EHBP1: variants seen among roughly 807,000 people sequenced by gnomAD.
EHBP1 encodes the protein EH domain-binding protein 1.
EHBP1 carries 55 observed loss-of-function variants against 144.0 expected under a neutral mutation model. The ratio of observed to expected loss-of-function variants is 0.38; its 90% confidence interval spans 0.31 to 0.48. EHBP1 has a LOEUF of 0.48. Among genes scored for constraint, EHBP1 ranks in the 20% least tolerant of loss-of-function variants. EHBP1 has a pLI of 0.98. For synonymous variants in EHBP1, 469 were observed against 472.7 expected (o/e 0.99, Z 0.10); for missense variants, 1,200 against 1,364.2 (o/e 0.88, Z 1.90).
intron 3 of EHBP1, among the ~76,000 whole-genome samples, chr2:62,754,969 ATGCTCGATGGGCTGCACCCACTGTCC>A (rs1239617322): frequency 2.6e-5 from 4 of 152,168 alleles, no homozygotes; most frequent in Admixed American, 1.3e-4. Flanking sequence ...GCTTCGGCTC[ATGCTCGATGGGCTGCACCCACTGTCC>A]TGCACCCACT....
chr2:62,720,315 C>G (rs2036102884), intron 2 of EHBP1, among the ~76,000 whole-genome samples: 1 of 152,202 alleles, frequency 6.6e-6, no homozygotes, highest in African/African-American at 2.4e-5. Context: ...CTCTGGTCTC[C>G]CCTTTGCCTA....
chr2:62,830,336 A>G lies in EHBP1; in HGVS notation c.495-683A>G, dbSNP rs536716568. On this transcript the variant is annotated intron_variant, in intron 6 of 22. Coordinates refer to ENST00000431489, the MANE Select transcript of EHBP1 (RefSeq NM_001142616.3). ...TTTTTAGTAGAGATGGGGTTTCACC[A>G]TGTTGGTTAGGCTGGTCTCGAACTC... Among the ~76,000 whole-genome samples, 4 of 152,072 alleles carry G rather than the reference A, an allele frequency of 2.6e-5. No individual in the cohort carries two copies. In the East Asian group the frequency reaches 7.7e-4, roughly 29 times the overall value.
rs564883221 is a variant in EHBP1 at position 62,933,920 on chromosome 2, C to T, written c.1186-8798C>T. Among the ~76,000 whole-genome samples the T allele has an allele frequency of 1.6e-4, 24 of 152,196 alleles. No homozygotes were observed. The South Asian group carries it at 1.9e-3, about 12-fold the overall frequency. ...TGTTTTAGGATGTATTTCTTTTGTGCGTGTGTCTAGTATTTCACTATCTGA... is the reference window on the plus strand; with the variant it reads ...TGTTTTAGGATGTATTTCTTTTGTGTGTGTGTCTAGTATTTCACTATCTGA... On this transcript the variant is annotated intron_variant, in intron 10 of 22. Transcript: ENST00000431489.
At chr2:62,883,251 GT>G (rs1345207072) in intron 10 of EHBP1, among the ~76,000 whole-genome samples, 1 of 152,104 alleles carries the variant, frequency 6.6e-6, no homozygotes, top group Non-Finnish European at 1.5e-5. Flanking sequence ...CTCTAAATAC[GT>G]TTTTCCATAG....
At chr2:62,683,433 G>C (rs2033600903) in intron 1 of EHBP1, among the ~76,000 whole-genome samples, 1 of 152,050 alleles carries the variant, frequency 6.6e-6, no homozygotes, top group Non-Finnish European at 1.5e-5. Flanking sequence ...GCCGAGGTGG[G>C]TGGATCACGA....
chr2:62,839,596 T>A (rs1260328827), intron 7 of EHBP1, among the ~76,000 whole-genome samples: 2 of 149,990 alleles, frequency 1.3e-5, no homozygotes, highest in Admixed American at 1.3e-4. Flanking sequence ...GAAAACCCCA[T>A]CGTCTCAGCC....
intron 10 of EHBP1, among the ~76,000 whole-genome samples, chr2:62,906,452 C>A (rs531792692): frequency 2.6e-5 from 4 of 152,284 alleles, no homozygotes; most frequent in Non-Finnish European, 5.9e-5. Flanking sequence ...TCCATATGAA[C>A]TTTAGCATCA....
intron 10 of EHBP1, among the ~76,000 whole-genome samples, chr2:62,925,967 C>A (rs1275268959): frequency 2.6e-5 from 4 of 152,036 alleles, no homozygotes. Context: ...CAAAAATAAC[C>A]AAGCTGGACG....
At chr2:62,852,178 T>G (rs2048730566) in intron 7 of EHBP1, among the ~76,000 whole-genome samples, 1 of 152,102 alleles carries the variant, frequency 6.6e-6, no homozygotes, top group Non-Finnish European at 1.5e-5. Context: ...AAGATTACTT[T>G]TAGGAACATA....
At chr2:62,730,340 A>C (rs2037389520) in intron 2 of EHBP1, among the ~76,000 whole-genome samples, 1 of 152,024 alleles carries the variant, frequency 6.6e-6, no homozygotes, top group Non-Finnish European at 1.5e-5. Context: ...GGCAACTACT[A>C]ATCTTTTTAC....
In EHBP1 at chr2:62,857,400, C is replaced by A. The variant is rs559565957; in HGVS notation, c.635-1769C>A. Among the ~76,000 whole-genome samples the A allele has an allele frequency of 4.6e-5, 7 of 152,000 alleles. No homozygotes were observed. The South Asian group carries it at 1.5e-3, about 32-fold the overall frequency. ...ACAGACTGATAAATAAATATTTGTT[C>A]AATACATGAATAGTTGCAGGCAGCC... On this transcript the variant is annotated intron_variant, in intron 7 of 22. Transcript: ENST00000431489.
At chr2:62,808,987 G>T (rs2044724956) in intron 5 of EHBP1, among the ~76,000 whole-genome samples, 1 of 152,132 alleles carries the variant, frequency 6.6e-6, no homozygotes, top group South Asian at 2.1e-4. Context: ...TCTCTTGAGG[G>T]CAGACCTTGG....
chr2:62,853,145 A>G (rs1422864765), intron 7 of EHBP1, among the ~76,000 whole-genome samples: 1 of 152,204 alleles, frequency 6.6e-6, no homozygotes, highest in African/African-American at 2.4e-5. Flanking sequence ...GTATTTTCAT[A>G]CCTGCATTCC....
chr2:62,982,353 A>G (rs1475247056), intron 15 of EHBP1, among the ~76,000 whole-genome samples: 1 of 152,188 alleles, frequency 6.6e-6, no homozygotes, highest in Non-Finnish European at 1.5e-5. Context: ...TGAACAATAT[A>G]TGAATGAATG....
intron 10 of EHBP1, among the ~76,000 whole-genome samples, chr2:62,919,768 G>A (rs566568844): frequency 6.6e-6 from 1 of 151,444 alleles, no homozygotes; most frequent in South Asian, 2.1e-4. Flanking sequence ...CATATGGAGA[G>A]AATTTTATAA....
At chr2:62,833,191 G>A (rs1474043045) in intron 7 of EHBP1, among the ~76,000 whole-genome samples, 1 of 152,226 alleles carries the variant, frequency 6.6e-6, no homozygotes, top group Non-Finnish European at 1.5e-5. Context: ...TGTGAAAGCT[G>A]AGAAAGGCGA....
intron 2 of EHBP1, among the ~76,000 whole-genome samples, chr2:62,721,504 G>A (rs1360822454): frequency 2.0e-5 from 3 of 152,194 alleles, no homozygotes; most frequent in African/African-American, 7.2e-5. Context: ...CCTGGAAGGA[G>A]AAGTATCAAA....
chr2:62,681,672 T>C (rs2033536238), intron 1 of EHBP1, among the ~76,000 whole-genome samples: 1 of 152,002 alleles, frequency 6.6e-6, no homozygotes, highest in African/African-American at 2.4e-5. Flanking sequence ...TTCCCCCCTG[T>C]TTTTTAGTTT....
intron 7 of EHBP1, among the ~76,000 whole-genome samples, chr2:62,846,647 T>TAA (rs2048320856): frequency 6.6e-6 from 1 of 152,110 alleles, no homozygotes; most frequent in South Asian, 2.1e-4. Context: ...TCACAGGATA[T>TAA]AAGATCAATA....
Sources: allele counts gnomAD v4.1 joint callset (sites outside exome capture counted in the v4.1 genomes callset), GRCh38; gene constraint gnomAD v4.1.1; transcripts MANE v1.5; gene names NCBI Gene and HGNC (gene_info 2026-07-23, HGNC 2026-07-21).